L3MBTL4: variants seen among roughly 807,000 people sequenced by gnomAD.
L3MBTL4 encodes the protein lethal(3)malignant brain tumor-like protein 4.
L3MBTL4 carries 70 observed loss-of-function variants against 84.5 expected under a neutral mutation model. The observed-to-expected ratio is 0.83, with a 90% CI of 0.68 to 1.01. The LOEUF is 1.01. Among genes scored for constraint, L3MBTL4 ranks in the 50% least tolerant of loss-of-function variants. The pLI, the probability that L3MBTL4 is intolerant of heterozygous loss-of-function variation, is 0.00. For synonymous variants in L3MBTL4, 274 were observed against 259.8 expected, an observed-to-expected ratio of 1.05 and a Z score of -0.52; for missense variants, 715 against 754.8, an observed-to-expected ratio of 0.95 and a Z score of 0.62.
At position 6,218,333 on chromosome 18, in the gene L3MBTL4, T is replaced by C. The variant is rs1035114390; in HGVS notation, c.785-2498A>G. Among the ~76,000 whole-genome samples, 18 of 152,332 alleles carry C rather than the reference T, an allele frequency of 1.2e-4. No individual in the cohort carries two copies. In the Middle Eastern group the frequency reaches 0.024, roughly 201 times the overall value. ...TTTTAAAATCATCCAAATCCATTTA[T>C]CACATTTTGGATCTCCACATTTCTG... On this transcript the variant is annotated intron_variant, in intron 10 of 18. Transcript: ENST00000317931.
chr18:5,999,856 AG>A (rs1246431641), intron 16 of L3MBTL4, among the ~76,000 whole-genome samples: 4 of 152,234 alleles, frequency 2.6e-5, no homozygotes, highest in East Asian at 3.8e-4. Flanking sequence ...TTGGGTGAGC[AG>A]GGTTGGTATA....
At chr18:6,345,972 A>T (rs929317080) in intron 1 of L3MBTL4, among the ~76,000 whole-genome samples, 6 of 99,562 alleles carry the variant, frequency 6.0e-5, no homozygotes, top group Non-Finnish European at 9.8e-5. Flanking sequence ...ATAAAAACAG[A>T]TATATAGACC....
intron 13 of L3MBTL4, among the ~76,000 whole-genome samples, chr18:6,151,475 C>G (rs2042892457): frequency 6.6e-6 from 1 of 152,174 alleles, no homozygotes; most frequent in Non-Finnish European, 1.5e-5. Flanking sequence ...TCACTGCAAC[C>G]TCTGCCTCCC....
At chr18:6,141,360 C>T (rs942780010) in intron 13 of L3MBTL4, among the ~76,000 whole-genome samples, 20 of 152,120 alleles carry the variant, frequency 1.3e-4, no homozygotes, top group African/African-American at 4.6e-4. Context: ...GCTTCATTTA[C>T]CAACTGCATG....
At chr18:6,223,612 T>C (rs772594148) in intron 10 of L3MBTL4, among the ~76,000 whole-genome samples, 1 of 152,184 alleles carries the variant, frequency 6.6e-6, no homozygotes, top group Admixed American at 6.5e-5. Context: ...ACAAAATACG[T>C]ACAGTATAAG....
Position 5,957,309 on chromosome 18 carries a change from C to A in L3MBTL4, c.1678-922G>T, listed in dbSNP as rs564331794. On this transcript the variant is annotated intron_variant, in intron 18 of 18. Coordinates refer to ENST00000317931, the MANE Select transcript of L3MBTL4 (RefSeq NM_001330559.2). The stretch of plus-strand genomic sequence containing the variant: ...AAAGAGTGAATTTGACTTTGGTAAT[C>A]ATCACGCATTGTATATGTATATCAA... Among the ~76,000 whole-genome samples, 18 of 152,130 alleles carry A rather than the reference C, an allele frequency of 1.2e-4. No individual in the cohort carries two copies. The South Asian group carries it at 3.7e-3, about 32-fold the overall frequency.
At chr18:6,358,209 T>C (rs1357305788) in intron 1 of L3MBTL4, among the ~76,000 whole-genome samples, 2 of 152,234 alleles carry the variant, frequency 1.3e-5, no homozygotes, top group Non-Finnish European at 2.9e-5. Flanking sequence ...CGGGTCTAAC[T>C]TACACTTTAC....
intron 1 of L3MBTL4, among the ~76,000 whole-genome samples, chr18:6,403,351 A>G (rs1487898972): frequency 4.6e-5 from 7 of 152,214 alleles, no homozygotes; most frequent in Admixed American, 3.9e-4. Flanking sequence ...TCAGAAAATG[A>G]TATCATGGAA....
chr18:6,047,725 C>A (rs919135383), intron 16 of L3MBTL4, among the ~76,000 whole-genome samples: 3 of 152,148 alleles, frequency 2.0e-5, no homozygotes, highest in African/African-American at 7.2e-5. Flanking sequence ...AAACCCTCAA[C>A]AGACTAGTCA....
chr18:6,204,320 A>G (rs2045777674), intron 12 of L3MBTL4, among the ~76,000 whole-genome samples: 1 of 152,172 alleles, frequency 6.6e-6, no homozygotes. Flanking sequence ...ATGAGTCTTT[A>G]CCAAGTAGCA....
chr18:6,279,802 T>G (rs1039871884), intron 4 of L3MBTL4, among the ~76,000 whole-genome samples: 9 of 152,204 alleles, frequency 5.9e-5, no homozygotes, highest in Non-Finnish European at 1.3e-4. Flanking sequence ...ATTCACTTCA[T>G]AAAGTACTTA....
chr18:6,233,488 A>C lies in L3MBTL4; in HGVS notation c.784+4476T>G, dbSNP rs1325383978. On this transcript the variant is annotated intron_variant, in intron 10 of 18. Transcript: ENST00000317931. The stretch of plus-strand genomic sequence containing the variant: ...TCAGCAAAGTCTCAGAATACAAAAT[A>C]AATGTGCAAAAATCACAAGCATTCT... Among the ~76,000 whole-genome samples, 5 of 149,184 alleles carry C rather than the reference A, an allele frequency of 3.4e-5. 1 individual carries two copies. The highest frequency in any genetic ancestry group is 1.3e-4 in the African/African-American group (5 of 38,596).
intron 16 of L3MBTL4, among the ~76,000 whole-genome samples, chr18:6,050,325 C>T (rs2056794714): frequency 6.6e-6 from 1 of 152,156 alleles, no homozygotes; most frequent in South Asian, 2.1e-4. Flanking sequence ...GCTTTAGGAC[C>T]ATATAAAATC....
At position 6,213,200 on chromosome 18, in the gene L3MBTL4, G is replaced by A. The variant is rs1435644441; in HGVS notation, c.930C>T (p.Pro310=). Residue 310 remains proline (P), a synonymous_variant, in exon 12 of 19, where the codon CCC becomes CCT. Transcript: ENST00000317931. ...MKLEVVDKRN[P]RLIRVATIVD... is the part of the protein sequence containing the mutation. Reference sequence around the variant, plus strand: ...CAATCGTAGCAACACGAATTAACCTGGGGTTCCGTTTATCCACAACTTCAA... The same window carrying A: ...CAATCGTAGCAACACGAATTAACCTAGGGTTCCGTTTATCCACAACTTCAA... 1 of 1,611,254 alleles carries A rather than the reference G, an allele frequency of 6.2e-7. No homozygotes were observed. The highest frequency in any genetic ancestry group is 2.2e-5 in the East Asian group (1 of 44,796).
intron 16 of L3MBTL4, among the ~76,000 whole-genome samples, chr18:6,060,999 T>A (rs1347293216): frequency 6.6e-6 from 1 of 152,144 alleles, no homozygotes; most frequent in Non-Finnish European, 1.5e-5. Flanking sequence ...AATATAAGTT[T>A]TAAATTCATT....
At chr18:6,199,661 C>T (rs908059700) in intron 12 of L3MBTL4, among the ~76,000 whole-genome samples, 1 of 152,184 alleles carries the variant, frequency 6.6e-6, no homozygotes, top group African/African-American at 2.4e-5. Context: ...CTATCCACAG[C>T]TCCGGGCAGA....
chr18:6,264,989 C>A (rs1432790756), intron 4 of L3MBTL4, among the ~76,000 whole-genome samples: 1 of 152,176 alleles, frequency 6.6e-6, no homozygotes, highest in Non-Finnish European at 1.5e-5. Flanking sequence ...CCTTTCAAAA[C>A]CAGCCAGTAA....
intron 16 of L3MBTL4, among the ~76,000 whole-genome samples, chr18:5,973,010 T>A (rs2052733362): frequency 6.6e-6 from 1 of 152,144 alleles, no homozygotes; most frequent in Non-Finnish European, 1.5e-5. Context: ...CTCATTGAGT[T>A]GTGATTTGGA....
intron 18 of L3MBTL4, among the ~76,000 whole-genome samples, chr18:5,957,274 G>A (rs890788042): frequency 4.6e-5 from 7 of 151,866 alleles, no homozygotes; most frequent in African/African-American, 1.7e-4. Flanking sequence ...TATGGCATGG[G>A]TGGTAATGGA....
Sources: gnomAD v4.1 joint callset for allele counts (sites outside exome capture counted in the v4.1 genomes callset) on GRCh38, gnomAD v4.1.1 for gene constraint, MANE v1.5 for transcripts, NCBI Gene and HGNC (gene_info 2026-07-23, HGNC 2026-07-21) for gene names.